Variants in CA10 observed in about 807,000 individuals in gnomAD.
The protein encoded by CA10 is carbonic anhydrase 10 (inactive).
A neutral mutation model predicts 44.2 loss-of-function variants in CA10; 14 were observed. The observed-to-expected ratio is 0.32, with a 90% CI of 0.21 to 0.50. The LOEUF (loss-of-function observed/expected upper bound fraction) is 0.50, where lower values mean the gene tolerates loss of function less well. CA10 is among the 20% of genes least tolerant of loss of function. The pLI is 0.99. For synonymous variants in CA10, 159 were observed against 141.6 expected (o/e 1.12, Z -0.87); for missense variants, 350 against 409.7 (o/e 0.85, Z 1.26).
intron 1 of CA10, among the ~76,000 whole-genome samples, chr17:52,151,545 A>C (rs1989703288): frequency 6.6e-6 from 1 of 152,150 alleles, no homozygotes; most frequent in Admixed American, 6.6e-5. Context: ...AATACTAAGG[A>C]CCAAATATTG....
At chr17:51,764,000 C>A in intron 3 of CA10, among the ~76,000 whole-genome samples, 1 of 150,798 alleles carries the variant, frequency 6.6e-6, no homozygotes. Context: ...TGAAATATAT[C>A]CTGATTTTAT....
At chr17:52,086,593 G>A (rs1320885784) in intron 1 of CA10, among the ~76,000 whole-genome samples, 1 of 152,186 alleles carries the variant, frequency 6.6e-6, no homozygotes, top group Non-Finnish European at 1.5e-5. Flanking sequence ...ACACAGTGGT[G>A]TTGGATTGGA....
intron 4 of CA10, among the ~76,000 whole-genome samples, chr17:51,705,870 G>T (rs1915748317): frequency 6.6e-6 from 1 of 152,248 alleles, no homozygotes; most frequent in South Asian, 2.1e-4. Flanking sequence ...TTGACCAGGG[G>T]TCTCTGCCAC....
intron 3 of CA10, among the ~76,000 whole-genome samples, chr17:51,820,087 C>T (rs186339455): frequency 9.1e-4 from 138 of 151,836 alleles, no homozygotes; most frequent in African/African-American, 3.2e-3. Flanking sequence ...GTAGATGAGG[C>T]ACAGAGAGGT....
intron 3 of CA10, among the ~76,000 whole-genome samples, chr17:51,875,303 G>T (rs1202115929): frequency 6.6e-6 from 1 of 152,070 alleles, no homozygotes; most frequent in Non-Finnish European, 1.5e-5. Flanking sequence ...GAGGCACTGT[G>T]CCCAGCCTAG....
chr17:51,951,960 A>G (rs1474178265), intron 2 of CA10, among the ~76,000 whole-genome samples: 3 of 152,174 alleles, frequency 2.0e-5, no homozygotes, highest in Non-Finnish European at 2.9e-5. Context: ...ATATAGTGGC[A>G]TGAGTAAGAG....
At chr17:51,795,473 A>G (rs1389733703) in intron 3 of CA10, among the ~76,000 whole-genome samples, 1 of 152,248 alleles carries the variant, frequency 6.6e-6, no homozygotes, top group African/African-American at 2.4e-5. Context: ...GAGAAAAGGA[A>G]ACACATTTTT....
intron 3 of CA10, among the ~76,000 whole-genome samples, chr17:51,903,920 G>A (rs1981428558): frequency 6.6e-6 from 1 of 152,046 alleles, no homozygotes; most frequent in East Asian, 1.9e-4. Flanking sequence ...TTCCCTGGAT[G>A]TACCAGGGTT....
At chr17:52,032,986 G>A (rs374966033) in intron 2 of CA10, among the ~76,000 whole-genome samples, 22 of 152,204 alleles carry the variant, frequency 1.4e-4, no homozygotes, top group Middle Eastern at 3.4e-3. Flanking sequence ...TGAAGTATAC[G>A]TCAAGGCATG....
At chr17:51,925,062 C>T (rs1180860841) in intron 3 of CA10, among the ~76,000 whole-genome samples, 2 of 152,020 alleles carry the variant, frequency 1.3e-5, no homozygotes, top group South Asian at 2.1e-4. Flanking sequence ...CTTTCTCTGT[C>T]TCTCTTTTTA....
chr17:52,121,302 C>T lies in CA10; in HGVS notation c.61+36424G>A, dbSNP rs570947368. Among the ~76,000 whole-genome samples the T allele has an allele frequency of 1.2e-3, 179 of 152,106 alleles. 1 individual carries two copies. Among genetic ancestry groups the T allele is most frequent in the African/African-American group, 3.8e-3 (158 of 41,510 alleles). On this transcript the variant is annotated intron_variant, in intron 1 of 8. Transcript: ENST00000451037. ...TAGTTGGTTTGACAAAATGAGAAGA[C>T]GAGGGTGACATTCAGAACTCCTTGA...
chr17:51,797,650 T>C (rs1906765205), intron 3 of CA10, among the ~76,000 whole-genome samples: 1 of 151,938 alleles, frequency 6.6e-6, no homozygotes, highest in African/African-American at 2.4e-5. Context: ...GGTCAGGATT[T>C]CGAGACCAGC....
intron 7 of CA10, among the ~76,000 whole-genome samples, chr17:51,633,989 A>G (rs1448091247): frequency 6.6e-6 from 1 of 152,218 alleles, no homozygotes; most frequent in Non-Finnish European, 1.5e-5. Flanking sequence ...CTTTGGTTCA[A>G]TAATTCCATG....
intron 1 of CA10, among the ~76,000 whole-genome samples, chr17:52,103,137 G>C (rs1225395230): frequency 1.3e-5 from 2 of 152,152 alleles, no homozygotes; most frequent in East Asian, 1.9e-4. Flanking sequence ...CAGAGTCTGA[G>C]GGTTATACCC....
upstream of CA10, among the ~76,000 whole-genome samples, chr17:52,158,990 G>C (rs1229136490): frequency 3.9e-5 from 6 of 152,088 alleles, no homozygotes; most frequent in Admixed American, 2.0e-4. Flanking sequence ...CCGCCGCCTC[G>C]GCCCCAGTCC....
chr17:51,808,266 A>G (rs190383286), intron 3 of CA10, among the ~76,000 whole-genome samples: 86 of 152,354 alleles, frequency 5.6e-4, no homozygotes, highest in African/African-American at 2.0e-3. Context: ...TTGTATTGCA[A>G]TAAATGTTTA....
chr17:52,021,001 G>A (rs1986122552), intron 2 of CA10, among the ~76,000 whole-genome samples: 1 of 151,896 alleles, frequency 6.6e-6, no homozygotes, highest in Admixed American at 6.6e-5. Flanking sequence ...TTTTATTGGT[G>A]TAGAGTTTTA....
At chr17:51,914,204 G>T (rs938949688) in intron 3 of CA10, among the ~76,000 whole-genome samples, 1 of 152,142 alleles carries the variant, frequency 6.6e-6, no homozygotes, top group African/African-American at 2.4e-5. Context: ...AAACAGTAAG[G>T]TCTGTCCTCA....
chr17:52,058,219 A>G (rs1598191765), intron 2 of CA10, among the ~76,000 whole-genome samples: 1 of 152,168 alleles, frequency 6.6e-6, no homozygotes, highest in African/African-American at 2.4e-5. Context: ...GAACTCAGTA[A>G]TGGTACAATT....
Sources: gnomAD v4.1 joint callset for allele counts (sites outside exome capture counted in the v4.1 genomes callset) on GRCh38, gnomAD v4.1.1 for gene constraint, MANE v1.5 for transcripts, NCBI Gene and HGNC (gene_info 2026-07-23, HGNC 2026-07-21) for gene names.